Variants in ST6GALNAC3 observed in about 807,000 individuals in gnomAD.
ST6GALNAC3 encodes the protein alpha-N-acetylgalactosaminide alpha-2,6-sialyltransferase 3.
Under a neutral mutation model 32.7 loss-of-function variants are expected in ST6GALNAC3, and 25 were observed. That is an observed-to-expected ratio of 0.76 (90% CI 0.56 to 1.07). The LOEUF is 1.07. Among genes scored for constraint, ST6GALNAC3 ranks in the 50% least tolerant of loss-of-function variants. The pLI, the probability that ST6GALNAC3 is intolerant of heterozygous loss-of-function variation, is 0.00. For missense variants in ST6GALNAC3, 355 were observed against 382.4 expected, an observed-to-expected ratio of 0.93 and a Z score of 0.60; for synonymous variants, 129 against 133.1, an observed-to-expected ratio of 0.97 and a Z score of 0.21.
At chr1:76,605,488 C>G (rs1647468021) in intron 3 of ST6GALNAC3, among the ~76,000 whole-genome samples, 1 of 151,988 alleles carries the variant, frequency 6.6e-6, no homozygotes, top group Non-Finnish European at 1.5e-5. Flanking sequence ...TGCAATCTTT[C>G]TATCTGACAA....
intron 1 of ST6GALNAC3, among the ~76,000 whole-genome samples, chr1:76,111,005 G>A (rs1647891425): frequency 6.6e-6 from 1 of 152,154 alleles, no homozygotes; most frequent in Admixed American, 6.5e-5. Flanking sequence ...GAAAGAGAGA[G>A]AAAATCTGGA....
intron 1 of ST6GALNAC3, among the ~76,000 whole-genome samples, chr1:76,261,900 C>CTAAACCACATTTA (rs1658260500): frequency 6.6e-6 from 1 of 152,144 alleles, no homozygotes; most frequent in African/African-American, 2.4e-5. Flanking sequence ...CTAACAGTCA[C>CTAAACCACATTTA]TAAACCACAT....
intron 3 of ST6GALNAC3, among the ~76,000 whole-genome samples, chr1:76,491,637 A>T (rs181245495): frequency 6.6e-6 from 1 of 152,124 alleles, no homozygotes; most frequent in African/African-American, 2.4e-5. Flanking sequence ...TAGGAGACAC[A>T]TCTGCCATTG....
intron 3 of ST6GALNAC3, among the ~76,000 whole-genome samples, chr1:76,567,169 G>C (rs934237821): frequency 6.6e-6 from 1 of 152,228 alleles, no homozygotes; most frequent in Non-Finnish European, 1.5e-5. Context: ...CAAATGCCTG[G>C]ATCAAATTCA....
intron 1 of ST6GALNAC3, among the ~76,000 whole-genome samples, chr1:76,178,145 A>G (rs417738): frequency 0.71 from 108,766 of 152,152 alleles, 40,703 homozygotes; most frequent in East Asian, 0.94. Flanking sequence ...CTGCCTCAGG[A>G]CACAAACACA....
chr1:76,126,760 T>C (rs11586810), intron 1 of ST6GALNAC3, among the ~76,000 whole-genome samples: 9,750 of 152,230 alleles, frequency 0.064, 449 homozygotes, highest in Non-Finnish European at 0.089. Flanking sequence ...CCTTGCCATA[T>C]TGTGTTCAGA....
intron 2 of ST6GALNAC3, among the ~76,000 whole-genome samples, chr1:76,343,037 G>A (rs1038704688): frequency 2.0e-5 from 3 of 152,028 alleles, no homozygotes; most frequent in Non-Finnish European, 4.4e-5. Context: ...TGTTTACTCT[G>A]TTGATCTTTT....
At chr1:76,528,463 A>T (rs1441820305) in intron 3 of ST6GALNAC3, among the ~76,000 whole-genome samples, 9 of 152,080 alleles carry the variant, frequency 5.9e-5, no homozygotes, top group African/African-American at 2.2e-4. Context: ...GTACTATCTC[A>T]ATCCTCAGTG....
intron 3 of ST6GALNAC3, among the ~76,000 whole-genome samples, chr1:76,434,006 C>T (rs1169646326): frequency 2.9e-4 from 44 of 152,106 alleles, no homozygotes; most frequent in Admixed American, 2.8e-3. Flanking sequence ...TTACTGATTA[C>T]TGCATGCTCA....
intron 3 of ST6GALNAC3, among the ~76,000 whole-genome samples, chr1:76,440,539 C>G (rs1488407473): frequency 6.6e-6 from 1 of 152,162 alleles, no homozygotes; most frequent in Non-Finnish European, 1.5e-5. Context: ...TATCCTTTCC[C>G]TTTTCTAGAA....
At chr1:76,086,715 G>T (rs920688396) in intron 1 of ST6GALNAC3, among the ~76,000 whole-genome samples, 2 of 152,088 alleles carry the variant, frequency 1.3e-5, no homozygotes, top group African/African-American at 2.4e-5. Context: ...GCAGAGTCCC[G>T]GGATATAAGC....
At chr1:76,373,055 C>G (rs548570045) in intron 2 of ST6GALNAC3, among the ~76,000 whole-genome samples, 2 of 152,144 alleles carry the variant, frequency 1.3e-5, no homozygotes, top group Non-Finnish European at 2.9e-5. Context: ...CTTCAACCTC[C>G]CAAAGTGCTG....
chr1:76,144,258 C>A (rs1650533266), intron 1 of ST6GALNAC3, among the ~76,000 whole-genome samples: 1 of 152,126 alleles, frequency 6.6e-6, no homozygotes, highest in Admixed American at 6.5e-5. Context: ...GGTCAGTAAT[C>A]CCCACTCTGA....
At chr1:76,250,377 A>T (rs920545455) in intron 1 of ST6GALNAC3, among the ~76,000 whole-genome samples, 5 of 152,172 alleles carry the variant, frequency 3.3e-5, no homozygotes, top group Non-Finnish European at 5.9e-5. Flanking sequence ...TGGACACTGC[A>T]GCAATTGCTT....
chr1:76,481,398 G>C (rs1557468702), intron 3 of ST6GALNAC3, among the ~76,000 whole-genome samples: 1 of 152,152 alleles, frequency 6.6e-6, no homozygotes, highest in Non-Finnish European at 1.5e-5. Context: ...TAGAGTAGGT[G>C]ATCTCCCTTG....
intron 1 of ST6GALNAC3, among the ~76,000 whole-genome samples, chr1:76,278,314 C>T (rs1055946528): frequency 3.3e-4 from 49 of 150,334 alleles, no homozygotes; most frequent in Non-Finnish European, 5.3e-4. Flanking sequence ...CTCCGCCTCC[C>T]GGGTTCACGC....
chr1:76,352,093 G>A (rs1159285581), intron 2 of ST6GALNAC3, among the ~76,000 whole-genome samples: 1 of 152,076 alleles, frequency 6.6e-6, no homozygotes, highest in African/African-American at 2.4e-5. Flanking sequence ...TCCTTAGAGG[G>A]ACAATAATGA....
intron 1 of ST6GALNAC3, among the ~76,000 whole-genome samples, chr1:76,216,103 A>G (rs773344695): frequency 1.2e-4 from 18 of 152,098 alleles, no homozygotes; most frequent in Non-Finnish European, 1.8e-4. Context: ...CCCGCCATGC[A>G]CCATCTCAGG....
intron 3 of ST6GALNAC3, among the ~76,000 whole-genome samples, chr1:76,490,022 G>A (rs1040058783): frequency 2.0e-5 from 3 of 152,120 alleles, no homozygotes; most frequent in African/African-American, 7.2e-5. Context: ...TCCCACACTT[G>A]CTGTCTCACT....
Sources: gnomAD v4.1 joint callset for allele counts (sites outside exome capture counted in the v4.1 genomes callset) on GRCh38, gnomAD v4.1.1 for gene constraint, MANE v1.5 for transcripts, NCBI Gene and HGNC (gene_info 2026-07-23, HGNC 2026-07-21) for gene names.